The following CASQ2 variants were observed in gnomAD, a reference collection of about 807,000 sequenced individuals.
CASQ2 encodes calsequestrin 2.
A neutral mutation model predicts 46.5 loss-of-function variants in CASQ2; 49 were observed. The observed-to-expected ratio is 1.05, with a 90% confidence interval of 0.84 to 1.34. CASQ2 has a LOEUF of 1.34. Ranked by LOEUF, CASQ2 falls within the 40% of genes most tolerant of loss-of-function variation. The pLI, the probability that CASQ2 is intolerant of heterozygous loss-of-function variation, is 0.00. For missense variants in CASQ2, 486 were observed against 481.3 expected (o/e 1.01, Z -0.09); for synonymous variants, 174 against 168.5 (o/e 1.03, Z -0.25).
At chr1:115,766,895 A>T (rs1188992017) in intron 1 of CASQ2, among the ~76,000 whole-genome samples, 1 of 151,894 alleles carries the variant, frequency 6.6e-6, no homozygotes, top group African/African-American at 2.4e-5. Context: ...AGATAGATAG[A>T]TAGATAGATA....
At chr1:115,720,145 C>T (rs1201251428) in intron 7 of CASQ2, among the ~76,000 whole-genome samples, 2 of 152,174 alleles carry the variant, frequency 1.3e-5, no homozygotes, top group Non-Finnish European at 2.9e-5. Flanking sequence ...AGCCCACTGT[C>T]TTGGTTTATT....
At chr1:115,735,958 TC>T (rs1270429154) in intron 4 of CASQ2, among the ~76,000 whole-genome samples, 1 of 151,880 alleles carries the variant, frequency 6.6e-6, no homozygotes, top group Non-Finnish European at 1.5e-5. Flanking sequence ...GGTCAGGAGT[TC>T]CAGACCAGCC....
At position 115,725,560 on chromosome 1, in the gene CASQ2, A is replaced by G. The variant is rs1362012650; in HGVS notation, c.738-7T>C. The stretch of plus-strand genomic sequence containing the variant: ...CAGGCGACGTAGAGTGGGTCTGGAA[A>G]AAAAAAAAAAAAAAAAAAAAGAAAG... On this transcript the variant is annotated splice_polypyrimidine_tract_variant and splice_region_variant and intron_variant, in intron 6 of 10. Coordinates refer to ENST00000261448, the MANE Select transcript of CASQ2 (RefSeq NM_001232.4). 4.0e-5 allele frequency: 17 copies of G among 420,942 alleles called. No individual in the cohort carries two copies. In the African/African-American group the frequency reaches 5.9e-4, roughly 15 times the overall value. The allele number at this position is 420,942 out of a possible 1,614,324, so 26.1% of individuals were successfully genotyped here. A position where few individuals can be genotyped will look rare whatever the true frequency, so the allele number is the denominator to read the frequency against.
chr1:115,720,251 C>T (rs968978413), intron 7 of CASQ2, among the ~76,000 whole-genome samples: 3 of 152,094 alleles, frequency 2.0e-5, no homozygotes, highest in Admixed American at 2.0e-4. Context: ...AAGGCGCCGG[C>T]AGATTTGGTG....
At chr1:115,725,742 C>T (rs899831114) in intron 6 of CASQ2, among the ~76,000 whole-genome samples, 189 bp from the exon 7 acceptor site, 3 of 152,068 alleles carry the variant, frequency 2.0e-5, no homozygotes, top group Non-Finnish European at 4.4e-5. Flanking sequence ...TGTCAGACAG[C>T]GAGCTGGGCC....
intron 1 of CASQ2, among the ~76,000 whole-genome samples, chr1:115,759,278 G>A (rs1557805603): frequency 6.6e-6 from 1 of 152,324 alleles, no homozygotes; most frequent in East Asian, 1.9e-4. Context: ...AGGTGTTTGG[G>A]TTATGTGGGT....
rs977478083 is a variant in CASQ2, at chr1:115,700,959, G to C, written c.*282C>G. ...GACTGCCATGTTCAGGCACTGCCAT[G>C]ACCCTTGATGGTCCAGCAAAGAACA... On this transcript the variant is annotated 3_prime_UTR_variant, in exon 11 of 11. Coordinates refer to ENST00000261448, the MANE Select transcript of CASQ2 (RefSeq NM_001232.4). 1.6e-6 allele frequency: 1 copy of C among 609,530 alleles called. No homozygotes were observed. The highest frequency in any genetic ancestry group is 2.7e-5 in the East Asian group (1 of 36,592). 37.8% of individuals were successfully genotyped at this position (609,530 alleles called of 1,614,324 possible).
intron 4 of CASQ2, among the ~76,000 whole-genome samples, chr1:115,735,888 G>C (rs976129213): frequency 6.6e-6 from 1 of 152,192 alleles, no homozygotes; most frequent in African/African-American, 2.4e-5. Flanking sequence ...CAGGCCGGAC[G>C]TAGTGGCTCA....
chr1:115,735,369 T>C (rs1452925847), intron 4 of CASQ2, among the ~76,000 whole-genome samples: 1 of 152,208 alleles, frequency 6.6e-6, no homozygotes, highest in African/African-American at 2.4e-5. Context: ...AAAAACTAGA[T>C]TTAAAACTAT....
chr1:115,745,070 C>G (rs965638571), intron 1 of CASQ2, among the ~76,000 whole-genome samples, 158 bp from the exon 2 acceptor site: 3 of 152,158 alleles, frequency 2.0e-5, no homozygotes, highest in African/African-American at 7.2e-5. Context: ...GTATTCTTGT[C>G]CCCTCAGGGG....
intron 1 of CASQ2, among the ~76,000 whole-genome samples, chr1:115,746,381 T>C (rs1648390781): frequency 6.6e-6 from 1 of 152,222 alleles, no homozygotes; most frequent in Admixed American, 6.5e-5. Flanking sequence ...GGCAGTTACA[T>C]GTTTAGTTTT....
chr1:115,728,337 C>T (rs183625329), intron 5 of CASQ2, among the ~76,000 whole-genome samples: 1 of 152,304 alleles, frequency 6.6e-6, no homozygotes, highest in African/African-American at 2.4e-5. Context: ...TTCCAGCATC[C>T]TACTCAGAGA....
At chr1:115,737,582 T>C (rs1377276539) in intron 4 of CASQ2, among the ~76,000 whole-genome samples, 1 of 152,210 alleles carries the variant, frequency 6.6e-6, no homozygotes, top group East Asian at 1.9e-4. Context: ...TTACTCCTCC[T>C]GGTCCCTTCT....
rs749849769 is a variant in CASQ2, at chr1:115,727,135, G to C, written c.607-13C>G. 6.3e-7 allele frequency: 1 copy of C among 1,599,870 alleles called. No individual in the cohort carries two copies. The highest frequency in any genetic ancestry group is 1.7e-5 in the Admixed American group (1 of 59,964). On this transcript the variant is annotated splice_polypyrimidine_tract_variant and intron_variant, in intron 5 of 10. Coordinates refer to ENST00000261448, the MANE Select transcript of CASQ2 (RefSeq NM_001232.4). ...ATTTCTTTGCAACCTGTAACCATTA[G>C]AAATAAGACAAAGTTTATTTGAATA...
intron 7 of CASQ2, among the ~76,000 whole-genome samples, chr1:115,722,859 C>T (rs1365018673): frequency 3.3e-5 from 5 of 151,952 alleles, no homozygotes; most frequent in Middle Eastern, 3.2e-3. Context: ...ACCAGCCTGG[C>T]CAACATGGTG....
intron 8 of CASQ2, 141 bp downstream of exon 8, chr1:115,717,699 A>T: frequency 2.6e-6 from 2 of 764,706 alleles, no homozygotes. Flanking sequence ...ACTCATACTT[A>T]ATGGGCGACC....
At chr1:115,734,499 G>T (rs1450842707) in intron 4 of CASQ2, among the ~76,000 whole-genome samples, 1 of 152,218 alleles carries the variant, frequency 6.6e-6, no homozygotes. Context: ...GATTCAAAAT[G>T]TGGCTTGACC....
chr1:115,738,179 A>C, intron 4 of CASQ2, 45 bp downstream of exon 4: 4 of 1,172,156 alleles, frequency 3.4e-6, no homozygotes, highest in Non-Finnish European at 5.2e-6. Context: ...CCTTGTTTGG[A>C]ATCTAGCTTT....
chr1:115,730,810 C>T (rs1448176927), intron 5 of CASQ2, among the ~76,000 whole-genome samples: 2 of 152,136 alleles, frequency 1.3e-5, no homozygotes, highest in Non-Finnish European at 2.9e-5. Context: ...TGTCCCTTGC[C>T]TCTCCTGGTT....
Sources: gnomAD v4.1 joint callset for allele counts (sites outside exome capture counted in the v4.1 genomes callset) on GRCh38, gnomAD v4.1.1 for gene constraint, MANE v1.5 for transcripts, NCBI Gene and HGNC (gene_info 2026-07-23, HGNC 2026-07-21) for gene names.